MTMR8: variants seen among roughly 807,000 people sequenced by gnomAD.
MTMR8 encodes myotubularin related protein 8.
Under a neutral mutation model 39.3 loss-of-function variants are expected in MTMR8, and 65 were observed. That is an observed-to-expected ratio of 1.65 (90% confidence interval 1.35 to 2.03). The LOEUF (loss-of-function observed/expected upper bound fraction) is 2.03. Ranked by LOEUF, MTMR8 falls within the 30% of genes most tolerant of loss-of-function variation. The pLI, the probability that MTMR8 is intolerant of heterozygous loss-of-function variation, is 0.00. For missense variants in MTMR8, 777 were observed against 538.9 expected, an observed-to-expected ratio of 1.44 and a Z score of -4.37; for synonymous variants, 245 against 185.2, an observed-to-expected ratio of 1.32 and a Z score of -2.62.
At chrX:64,286,568 A>C (rs1199811625) in intron 12 of MTMR8, among the ~76,000 whole-genome samples, 1 of 112,095 alleles carries the variant, frequency 8.9e-6, no homozygotes, top group East Asian at 2.8e-4. Flanking sequence ...CCTCAATAAA[A>C]TACTGGCAAA....
intron 10 of MTMR8, among the ~76,000 whole-genome samples, chrX:64,334,570 TAAAAA>T (rs537003359): frequency 1.4e-5 from 1 of 69,326 alleles, no homozygotes; most frequent in Non-Finnish European, 2.9e-5. Context: ...TCTTTCAGCT[TAAAAA>T]AAAAAAAAAA....
At chrX:64,394,914 G>A (rs960008325) in intron 1 of MTMR8, among the ~76,000 whole-genome samples, 1 of 112,490 alleles carries the variant, frequency 8.9e-6, no homozygotes, top group African/African-American at 3.2e-5. Context: ...GAGCCAAGAG[G>A]ATGGTGAAGA....
chrX:64,270,267 T>A (rs1230119866), intron 13 of MTMR8, among the ~76,000 whole-genome samples: 6 of 112,083 alleles, frequency 5.4e-5, no homozygotes, highest in Non-Finnish European at 1.1e-4. Context: ...TAAAATGACA[T>A]TTGTTTACTT....
At chrX:64,288,260 T>C (rs952242355) in intron 12 of MTMR8, among the ~76,000 whole-genome samples, 2 of 110,480 alleles carry the variant, frequency 1.8e-5, no homozygotes, top group Non-Finnish European at 3.8e-5. Context: ...TTATGAGCCA[T>C]GAAACAATGC....
chrX:64,354,327 A>C (rs1398529532), intron 4 of MTMR8, among the ~76,000 whole-genome samples: 1 of 111,114 alleles, frequency 9.0e-6, no homozygotes, highest in East Asian at 2.8e-4. Flanking sequence ...TTCCTAACAC[A>C]AATAAATGAT....
intron 12 of MTMR8, chrX:64,305,739 T>C: frequency 2.1e-5 from 10 of 474,288 alleles, no homozygotes; most frequent in Non-Finnish European, 3.5e-5. Flanking sequence ...TACAAATGTA[T>C]GATGAATTAG....
intron 12 of MTMR8, among the ~76,000 whole-genome samples, chrX:64,323,279 A>G (rs1922703425): frequency 8.9e-6 from 1 of 112,672 alleles, no homozygotes; most frequent in African/African-American, 3.2e-5. Flanking sequence ...TATAATCATA[A>G]CAGATAAAAT....
At chrX:64,362,471 GAAAAAAAA>G (rs760545171) in intron 1 of MTMR8, among the ~76,000 whole-genome samples, 6 of 5,496 alleles carry the variant, frequency 1.1e-3, no homozygotes, top group East Asian at 0.014. Flanking sequence ...TACTATTGCA[GAAAAAAAA>G]AAAAAAAAAA....
chrX:64,348,892 G>A (rs1206183131), intron 5 of MTMR8, 98 bp from the exon 6 acceptor site: 13 of 943,893 alleles, frequency 1.4e-5, no homozygotes, highest in South Asian at 4.6e-5. Flanking sequence ...GGGAGAGGAT[G>A]AGCCAACTTA....
intron 7 of MTMR8, among the ~76,000 whole-genome samples, 196 bp downstream of exon 7, chrX:64,344,849 A>T (rs763801478): frequency 9.0e-6 from 1 of 111,406 alleles, no homozygotes; most frequent in Non-Finnish European, 1.9e-5. Flanking sequence ...TGCACATCTT[A>T]GTCCCTTTTC....
chrX:64,299,909 C>T (rs1268513556), intron 12 of MTMR8, among the ~76,000 whole-genome samples: 3 of 78,617 alleles, frequency 3.8e-5, no homozygotes, highest in Non-Finnish European at 7.3e-5. Flanking sequence ...ATTCTTAATC[C>T]TGAGTTCTAG....
chrX:64,285,638 G>A (rs750285054), intron 12 of MTMR8, among the ~76,000 whole-genome samples: 3 of 112,066 alleles, frequency 2.7e-5, no homozygotes, highest in African/African-American at 6.5e-5. Flanking sequence ...TCAGACCACA[G>A]TCCAATCAAA....
rs1569205683 is a variant in MTMR8 at position 64,268,819 on chromosome X, G to T, written c.1833C>A (p.Asn611Lys). 8.3e-7 allele frequency: 1 copy of T among 1,209,735 alleles called. No individual in the cohort carries two copies. ...TAAGGCTGCCCACAATCTCACAACA[G>T]TTATGGTGGAGGTCTGCACCCTGGC... Reference protein sequence around the residue: ...VKSQGADLHHNCCEIVGSLRA... With the variant: ...VKSQGADLHHKCCEIVGSLRA... Residue 611 changes from asparagine (N) to lysine (K), a missense_variant, in exon 14 of 14, where the codon AAC (asparagine) becomes AAA (lysine). Physicochemically the swap from Asn to Lys is moderately conservative, Grantham distance 94 (BLOSUM62 0). Coordinates refer to ENST00000374852, the MANE Select transcript of MTMR8 (RefSeq NM_017677.4).
At chrX:64,281,332 G>A (rs774121433) in intron 12 of MTMR8, among the ~76,000 whole-genome samples, 4 of 111,510 alleles carry the variant, frequency 3.6e-5, no homozygotes, top group Admixed American at 9.6e-5. Context: ...AAAACAGCAT[G>A]GTATTGGTCC....
chrX:64,345,449 T>C (rs1358132339), intron 6 of MTMR8, among the ~76,000 whole-genome samples: 1 of 111,915 alleles, frequency 8.9e-6, no homozygotes, highest in East Asian at 2.8e-4. Flanking sequence ...ATGGCAGCTA[T>C]GAGGATATCT....
chrX:64,317,542 C>T (rs1234806983), intron 12 of MTMR8, among the ~76,000 whole-genome samples: 1 of 111,295 alleles, frequency 9.0e-6, no homozygotes, highest in Non-Finnish European at 1.9e-5. Context: ...TCATTTGGTT[C>T]TCCTTTATAT....
At chrX:64,379,359 A>T (rs1924351408) in intron 1 of MTMR8, among the ~76,000 whole-genome samples, 1 of 112,088 alleles carries the variant, frequency 8.9e-6, no homozygotes, top group Non-Finnish European at 1.9e-5. Context: ...TTTCATGAAC[A>T]TAGATGCAAA....
At chrX:64,374,252 A>G (rs1924203873) in intron 1 of MTMR8, among the ~76,000 whole-genome samples, 1 of 112,020 alleles carries the variant, frequency 8.9e-6, no homozygotes, top group African/African-American at 3.2e-5. Flanking sequence ...CCAGAGGTCC[A>G]AGTTTCAGAA....
In MTMR8 at chrX:64,338,220, C is replaced by T. The variant is rs746490577; in HGVS notation, c.976-827G>A. Reference sequence around the variant, plus strand: ...TTCACCCATTCATTCATCCACACACCTAGCCAATAATTACTGAGTGACTGT... The same window carrying T: ...TTCACCCATTCATTCATCCACACACTTAGCCAATAATTACTGAGTGACTGT... On this transcript the variant is annotated intron_variant, in intron 8 of 13. Transcript: ENST00000374852. 1.1e-4 allele frequency among the ~76,000 whole-genome samples: 12 copies of T among 111,935 alleles called. 1 individual carries two copies. In the South Asian group the frequency reaches 4.5e-3, roughly 42 times the overall value.
Sources: gnomAD v4.1 joint callset for allele counts (sites outside exome capture counted in the v4.1 genomes callset) on GRCh38, gnomAD v4.1.1 for gene constraint, MANE v1.5 for transcripts, NCBI Gene and HGNC (gene_info 2026-07-23, HGNC 2026-07-21) for gene names.